MCM10: variants seen among roughly 807,000 people sequenced by gnomAD.
The protein encoded by MCM10 is minichromosome maintenance 10 replication initiation factor.
In MCM10, 91 loss-of-function variants were observed where a neutral mutation model predicts 109.9. That is an observed-to-expected ratio of 0.83 (90% CI 0.70 to 0.99). MCM10 has a LOEUF of 0.99. Among genes scored for constraint, MCM10 ranks in the 50% least tolerant of loss-of-function variants. The pLI, the probability that MCM10 is intolerant of heterozygous loss-of-function variation, is 0.00. For missense variants in MCM10, 1,077 were observed against 1,061.2 expected (o/e 1.01, Z -0.21); for synonymous variants, 380 against 387.2 (o/e 0.98, Z 0.22).
chr10:13,168,250 C>T (rs7101049), intron 2 of MCM10, among the ~76,000 whole-genome samples: 13,322 of 152,262 alleles, frequency 0.087, 1,178 homozygotes, highest in African/African-American at 0.22. Flanking sequence ...TTCTCTCTTG[C>T]ACTGTGCAGC....
intron 8 of MCM10, among the ~76,000 whole-genome samples, chr10:13,183,954 G>A (rs1316047400): frequency 3.3e-5 from 5 of 152,058 alleles, no homozygotes; most frequent in Admixed American, 2.6e-4. Context: ...TACCTCCCAG[G>A]TTCAAGTGGT....
Position 13,165,683 on chromosome 10 carries a change from C to T in MCM10, c.7+1474C>T, listed in dbSNP as rs560283824. ...TGAGGTCAGGAGTTCGAGGCCAGCC[C>T]GGCTAACATAGTGAAACCCCATTTC... On this transcript the variant is annotated intron_variant, in intron 2 of 19. Coordinates refer to ENST00000378714, the MANE Select transcript of MCM10 (RefSeq NM_018518.5). Among the ~76,000 whole-genome samples, 7 of 151,782 alleles carry T rather than the reference C, an allele frequency of 4.6e-5. No homozygotes were observed. In the East Asian group the frequency reaches 5.8e-4, roughly 13 times the overall value.
chr10:13,172,108 C>T lies in MCM10; in HGVS notation c.350-268C>T, dbSNP rs1359064100. Among the ~76,000 whole-genome samples the T allele has an allele frequency of 6.6e-6, 1 of 152,032 alleles. No individual in the cohort carries two copies. Among genetic ancestry groups the T allele is most frequent in the Non-Finnish European group, 1.5e-5 (1 of 68,020 alleles). Reference sequence around the variant, plus strand: ...TTCTCAACTCCTAAAAACTTGTTAACTGTGGATTTTATTTGATATCTCTTA... The same window carrying T: ...TTCTCAACTCCTAAAAACTTGTTAATTGTGGATTTTATTTGATATCTCTTA... On this transcript the variant is annotated intron_variant, in intron 3 of 19. Transcript: ENST00000378714. The surrounding 1 kb of genome is among the most constrained non-coding windows in gnomAD (Gnocchi z 5.2).
intron 14 of MCM10, among the ~76,000 whole-genome samples, chr10:13,195,764 C>G (rs1834412481): frequency 1.3e-5 from 2 of 151,998 alleles, no homozygotes; most frequent in African/African-American, 4.8e-5. Flanking sequence ...GCGCCTACCA[C>G]CACGCCCGGC....
chr10:13,209,355 A>T lies in MCM10; in HGVS notation c.*45A>T. On this transcript the variant is annotated 3_prime_UTR_variant, in exon 20 of 20. Transcript: ENST00000378714. Reference sequence around the variant, plus strand: ...CCCACAGACTTCCTGGCCTCCTGTGACTCTGGAAAGCAAAGGATTGGCTGT... The same window carrying T: ...CCCACAGACTTCCTGGCCTCCTGTGTCTCTGGAAAGCAAAGGATTGGCTGT... 1 of 1,466,192 alleles carries T rather than the reference A, an allele frequency of 6.8e-7. No individual in the cohort carries two copies. The highest frequency in any genetic ancestry group is 9.5e-7 in the Non-Finnish European group (1 of 1,048,586). 90.8% of individuals were successfully genotyped at this position (1,466,192 alleles called of 1,614,324 possible).
At chr10:13,192,105 G>C in intron 11 of MCM10, 150 bp from the exon 12 acceptor site, 1 of 595,776 alleles carries the variant, frequency 1.7e-6, no homozygotes, top group Non-Finnish European at 3.0e-6. Context: ...GATGATAGAG[G>C]TTAAGGATTC....
At chr10:13,194,015 G>A (rs916192990) in intron 13 of MCM10, among the ~76,000 whole-genome samples, 3 of 152,062 alleles carry the variant, frequency 2.0e-5, no homozygotes, top group African/African-American at 4.8e-5. Flanking sequence ...TTTCTTCATC[G>A]ATCAAATGAG....
intron 8 of MCM10, among the ~76,000 whole-genome samples, chr10:13,184,032 C>A (rs2131572411): frequency 6.6e-6 from 1 of 151,980 alleles, no homozygotes; most frequent in South Asian, 2.1e-4. Context: ...ATTTTTTTTG[C>A]ATTTTTATTA....
rs532065535 is a variant in MCM10 at position 13,180,505 on chromosome 10, G to C, written c.828G>C (p.Leu276=). ...KKMTGRKLIR[L]SQIKEKMARE... is the part of the protein sequence containing the mutation. ...TGACCGGCCGAAAACTGATCAGACT[G>C]TCTCAGATCAAGGAAAAGATGGCCA... The change falls in exon 7 of 20, where the codon CTG becomes CTC. Residue 276 remains leucine, a synonymous_variant. Coordinates refer to ENST00000378714, the MANE Select transcript of MCM10 (RefSeq NM_018518.5). 2.5e-6 allele frequency: 4 copies of C among 1,614,040 alleles called. No individual in the cohort carries two copies.
intron 6 of MCM10, 103 bp from the exon 7 acceptor site, chr10:13,180,339 A>G: frequency 1.2e-6 from 1 of 866,096 alleles, no homozygotes; most frequent in Non-Finnish European, 1.7e-6. Context: ...AAGAACAGGT[A>G]CTGTAGAGGT....
intron 8 of MCM10, among the ~76,000 whole-genome samples, chr10:13,183,691 C>A (rs1834237920): frequency 6.8e-6 from 1 of 147,328 alleles, no homozygotes; most frequent in South Asian, 2.1e-4. Flanking sequence ...TTCATACCTT[C>A]TTTTTTTTTT....
At chr10:13,186,763 G>A (rs577676011) in intron 9 of MCM10, among the ~76,000 whole-genome samples, 32 of 152,056 alleles carry the variant, frequency 2.1e-4, no homozygotes, top group Non-Finnish European at 2.5e-4. Context: ...AGGTCGAGGC[G>A]GACAGATCAT....
chr10:13,171,655 C>T (rs1228563708), intron 3 of MCM10, among the ~76,000 whole-genome samples: 1 of 152,184 alleles, frequency 6.6e-6, no homozygotes, highest in Non-Finnish European at 1.5e-5. Flanking sequence ...TCATTCCTGG[C>T]ATCTCATACA....
At chr10:13,175,071 T>A (rs1034509540) in intron 5 of MCM10, among the ~76,000 whole-genome samples, 8 of 151,720 alleles carry the variant, frequency 5.3e-5, no homozygotes, top group African/African-American at 1.9e-4. Flanking sequence ...GAGGTTGTGG[T>A]GAGCTGAGAT....
At position 13,175,647 on chromosome 10, in the gene MCM10, A is replaced by G. The variant is rs766908739; in HGVS notation, c.730A>G (p.Ile244Val). The stretch of plus-strand genomic sequence containing the variant: ...AAGTTCTGGGGAAACGACTCAACCC[A>G]TCTGTGTGGAAGCCTTCTCTGGTCT... The part of the protein sequence containing the change: ...PGSSGETTQP[I>V]CVEAFSGLRL... Residue 244 changes from isoleucine to valine, a missense_variant, in exon 6 of 20, where the codon ATC (isoleucine) becomes GTC (valine). Coordinates refer to ENST00000378714, the MANE Select transcript of MCM10 (RefSeq NM_018518.5). The G allele has an allele frequency of 1.2e-6, 2 of 1,612,536 alleles. No individual in the cohort carries two copies. Among genetic ancestry groups the G allele is most frequent in the African/African-American group, 2.7e-5 (2 of 74,854 alleles).
rs144184902 is a variant in MCM10 at position 13,210,045 on chromosome 10, ATTTT to A, written c.*742_*745del. 6.7e-5 allele frequency: 10 copies of A among 149,852 alleles called. No homozygotes were observed. The highest frequency in any genetic ancestry group is 2.2e-4 in the African/African-American group (9 of 40,762). 9.3% of individuals were successfully genotyped at this position (149,852 alleles called of 1,614,324 possible). ...ATAGAAATATGTAAAATCTCATATT[ATTTT>A]TTTTTTAATTTTTTTATTTTTTATG... On this transcript the variant is annotated 3_prime_UTR_variant, in exon 20 of 20. Coordinates refer to ENST00000378714, the MANE Select transcript of MCM10 (RefSeq NM_018518.5).
intron 13 of MCM10, among the ~76,000 whole-genome samples, chr10:13,193,347 A>G (rs953928403): frequency 6.6e-6 from 1 of 152,136 alleles, no homozygotes; most frequent in African/African-American, 2.4e-5. Context: ...GTAGGTGGAC[A>G]AATGAATGAT....
intron 8 of MCM10, among the ~76,000 whole-genome samples, chr10:13,185,736 C>T (rs1834266567): frequency 6.6e-6 from 1 of 152,106 alleles, no homozygotes. Flanking sequence ...GTTATAGAGC[C>T]CTGGCTTCAA....
In MCM10 at chr10:13,198,776, C is replaced by T; in HGVS notation, c.2207C>T (p.Ala736Val). ...GAGGAATTTCAGAAAATCCTAAAAG[C>T]AAAATCAAAACACACAGGCATCCTG... ...ESEEFQKILK[A>V]KSKHTGILKE... is the part of the protein sequence containing the mutation. The change falls in exon 16 of 20, where the codon GCA (alanine) becomes GTA (valine). Residue 736 changes from alanine (A) to valine (V), a missense_variant. By Grantham distance (64) the Ala-to-Val change is moderately conservative (BLOSUM62 0). Transcript: ENST00000378714. The T allele has an allele frequency of 6.2e-7, 1 of 1,613,264 alleles. No homozygotes were observed. The highest frequency in any genetic ancestry group is 8.5e-7 in the Non-Finnish European group (1 of 1,179,846).
Sources: allele counts gnomAD v4.1 joint callset (sites outside exome capture counted in the v4.1 genomes callset), GRCh38; gene constraint gnomAD v4.1.1; non-coding constraint Gnocchi (gnomAD v3.1); transcripts MANE v1.5; gene names NCBI Gene and HGNC (gene_info 2026-07-23, HGNC 2026-07-21).